The following GABRB1 variants were observed in gnomAD, a reference collection of about 807,000 sequenced individuals.
GABRB1 encodes the protein gamma-aminobutyric acid receptor subunit beta-1.
Under a neutral mutation model 51.6 loss-of-function variants are expected in GABRB1, and 17 were observed. That is an observed-to-expected ratio of 0.33 (90% CI 0.23 to 0.49). GABRB1 has a LOEUF of 0.49. Ranked by LOEUF, GABRB1 falls within the 20% of genes least tolerant of loss-of-function variation. The probability of loss-of-function intolerance (pLI) is 0.99; values close to 1 mark genes in which losing one functional copy is unlikely to be tolerated. For missense variants in GABRB1, 410 were observed against 600.6 expected (o/e 0.68, Z 3.32); for synonymous variants, 247 against 218.9 (o/e 1.13, Z -1.14).
intron 4 of GABRB1, among the ~76,000 whole-genome samples, chr4:47,182,156 A>G (rs926077201): frequency 1.1e-4 from 16 of 143,162 alleles, no homozygotes; most frequent in African/African-American, 3.1e-4. Context: ...TGTCTTGTTG[A>G]GGTTAAAAGG....
intron 4 of GABRB1, among the ~76,000 whole-genome samples, chr4:47,319,785 G>A (rs1356184903): frequency 1.3e-5 from 2 of 152,100 alleles, no homozygotes; most frequent in Non-Finnish European, 2.9e-5. Context: ...ATGTTTGGTA[G>A]ACCTCATCCA....
intron 3 of GABRB1, among the ~76,000 whole-genome samples, chr4:47,040,876 G>T (rs958829783): frequency 6.6e-6 from 1 of 152,124 alleles, no homozygotes; most frequent in Non-Finnish European, 1.5e-5. Context: ...CCTAGACTCT[G>T]ACAGTATTTA....
chr4:47,036,141 A>G (rs1216205592), intron 3 of GABRB1, among the ~76,000 whole-genome samples: 1 of 152,226 alleles, frequency 6.6e-6, no homozygotes, highest in Non-Finnish European at 1.5e-5. Context: ...TCTTACAGAC[A>G]TTACAGTGAA....
chr4:47,409,184 C>G (rs1578152426), intron 8 of GABRB1, among the ~76,000 whole-genome samples: 2 of 152,240 alleles, frequency 1.3e-5, no homozygotes, highest in Middle Eastern at 6.8e-3. Context: ...ACTCCCGAAG[C>G]CCCAGTAGGT....
chr4:47,366,589 A>G (rs933121880), intron 5 of GABRB1, among the ~76,000 whole-genome samples: 1 of 152,178 alleles, frequency 6.6e-6, no homozygotes. Context: ...CCACTGCTAC[A>G]GACAGACCTT....
At chr4:47,345,976 T>A (rs1338828203) in intron 5 of GABRB1, among the ~76,000 whole-genome samples, 9 of 151,844 alleles carry the variant, frequency 5.9e-5, no homozygotes, top group Non-Finnish European at 4.4e-5. Context: ...GCCACAAACC[T>A]ACATGTATTA....
At chr4:47,054,552 T>A (rs1026125980) in intron 3 of GABRB1, among the ~76,000 whole-genome samples, 2 of 151,948 alleles carry the variant, frequency 1.3e-5, no homozygotes, top group African/African-American at 4.8e-5. Flanking sequence ...AAAAGAGTAG[T>A]TGCATTGTTA....
At chr4:47,353,353 C>T (rs1354208473) in intron 5 of GABRB1, among the ~76,000 whole-genome samples, 1 of 152,188 alleles carries the variant, frequency 6.6e-6, no homozygotes, top group African/African-American at 2.4e-5. Context: ...TTTAGGGAAG[C>T]TCATGATAAG....
At chr4:47,396,209 G>A (rs11945445) in intron 5 of GABRB1, among the ~76,000 whole-genome samples, 19,406 of 152,182 alleles carry the variant, frequency 0.13, 1,375 homozygotes, top group Middle Eastern at 0.26. Flanking sequence ...GATGGCAGCA[G>A]GTGAAGAGAG....
intron 4 of GABRB1, among the ~76,000 whole-genome samples, chr4:47,302,854 T>C (rs757196393): frequency 1.1e-4 from 17 of 152,004 alleles, no homozygotes; most frequent in Non-Finnish European, 2.2e-4. Context: ...CAGGTTACCA[T>C]AAACCTGAAA....
intron 3 of GABRB1, among the ~76,000 whole-genome samples, chr4:47,128,914 C>T (rs947578828): frequency 6.6e-6 from 1 of 152,174 alleles, no homozygotes; most frequent in African/African-American, 2.4e-5. Context: ...AGGTACAAAA[C>T]CGTACATTGT....
intron 5 of GABRB1, among the ~76,000 whole-genome samples, chr4:47,357,316 T>C (rs1726622661): frequency 6.6e-6 from 1 of 152,120 alleles, no homozygotes. Context: ...GGAAAAAGAT[T>C]GTAAAAACCA....
chr4:47,367,232 T>G (rs1560354029), intron 5 of GABRB1, among the ~76,000 whole-genome samples: 2 of 152,330 alleles, frequency 1.3e-5, no homozygotes, highest in South Asian at 4.1e-4. Context: ...GAGATCTTAC[T>G]GCTTACTGAT....
intron 5 of GABRB1, among the ~76,000 whole-genome samples, chr4:47,333,194 TTATATATA>T (rs1162712786): frequency 3.7e-4 from 42 of 113,194 alleles, no homozygotes; most frequent in African/African-American, 9.8e-4. Flanking sequence ...CCCATTTTAT[TTATATATA>T]TATATATATA....
intron 3 of GABRB1, among the ~76,000 whole-genome samples, chr4:47,065,438 C>G (rs1446118897): frequency 1.3e-5 from 2 of 152,208 alleles, no homozygotes. Flanking sequence ...GGCAGCTCAT[C>G]ACTCACAATG....
At chr4:47,279,690 TTAAA>T (rs1723205831) in intron 4 of GABRB1, among the ~76,000 whole-genome samples, 1 of 152,084 alleles carries the variant, frequency 6.6e-6, no homozygotes, top group African/African-American at 2.4e-5. Context: ...GTTTTTTGTC[TTAAA>T]TAAATCTATT....
At chr4:47,280,193 A>G (rs917175963) in intron 4 of GABRB1, among the ~76,000 whole-genome samples, 2 of 151,916 alleles carry the variant, frequency 1.3e-5, no homozygotes, top group Admixed American at 1.3e-4. Flanking sequence ...TATTATAAAA[A>G]TTACATAAAA....
At chr4:47,241,514 T>C (rs1020403200) in intron 4 of GABRB1, among the ~76,000 whole-genome samples, 11 of 151,188 alleles carry the variant, frequency 7.3e-5, no homozygotes, top group Admixed American at 2.0e-4. Flanking sequence ...GGCGACATCA[T>C]TTTTTTTTCA....
In GABRB1 at chr4:47,014,724, A is replaced by G. The variant is rs1350096879; in HGVS notation, c.-19-17190A>G. 3.3e-5 allele frequency among the ~76,000 whole-genome samples: 5 copies of G among 152,214 alleles called. No individual in the cohort carries two copies. In the East Asian group the frequency reaches 9.6e-4, roughly 29 times the overall value. ...TGATATATTAATTCAGAAGTTAAGT[A>G]TATGATTCTGAAGCAAGAGTTAAAA... On this transcript the variant is annotated intron_variant, in intron 1 of 3. Coordinates refer to the GABRB1 transcript ENST00000513567.
Sources: gnomAD v4.1 joint callset for allele counts (sites outside exome capture counted in the v4.1 genomes callset) on GRCh38, gnomAD v4.1.1 for gene constraint, MANE v1.5 for transcripts, NCBI Gene and HGNC (gene_info 2026-07-23, HGNC 2026-07-21) for gene names.